KCNK5: variants seen among roughly 807,000 people sequenced by gnomAD.
KCNK5 encodes potassium channel subfamily K member 5.
A neutral mutation model predicts 32.9 loss-of-function variants in KCNK5; 18 were observed. The ratio of observed to expected loss-of-function variants is 0.55; its 90% CI spans 0.38 to 0.81. KCNK5 has a LOEUF of 0.81. KCNK5 is among the 30% of genes least tolerant of loss of function. The probability of loss-of-function intolerance (pLI) is 0.00; values close to 1 mark genes in which losing one functional copy is unlikely to be tolerated. For synonymous variants in KCNK5, 276 were observed against 275.3 expected (o/e 1.00, Z -0.03); for missense variants, 507 against 651.0 (o/e 0.78, Z 2.41).
At chr6:39,216,449 G>A (rs1269067945) in intron 1 of KCNK5, among the ~76,000 whole-genome samples, 1 of 152,216 alleles carries the variant, frequency 6.6e-6, no homozygotes, top group Non-Finnish European at 1.5e-5. Context: ...TGCTGGGAGT[G>A]ATGGGGTGTG....
At position 39,226,227 on chromosome 6, in the gene KCNK5, G is replaced by A. The variant is rs146503919; in HGVS notation, c.186+2699C>T. ...GTGTGAGTCTGCAATTTAGGAAGAG[G>A]TTGGGAGAATGAGTCACCAAAGATC... is the stretch of plus-strand genomic sequence containing the variant. On this transcript the variant is annotated intron_variant, in intron 1 of 4. Coordinates refer to ENST00000359534, the MANE Select transcript of KCNK5 (RefSeq NM_003740.4). Among the ~76,000 whole-genome samples, 17 of 152,306 alleles carry A rather than the reference G, an allele frequency of 1.1e-4. No homozygotes were observed. In the East Asian group the frequency reaches 2.3e-3, roughly 21 times the overall value.
chr6:39,222,427 T>C (rs1028287464), intron 1 of KCNK5, among the ~76,000 whole-genome samples: 1 of 152,232 alleles, frequency 6.6e-6, no homozygotes, highest in East Asian at 1.9e-4. Context: ...TAGAGTAGAA[T>C]GTTCCACTTC....
chr6:39,193,196 G>C (rs1404320716), intron 4 of KCNK5, among the ~76,000 whole-genome samples: 1 of 151,588 alleles, frequency 6.6e-6, no homozygotes, highest in East Asian at 1.9e-4. Context: ...CCTAATACCA[G>C]AGGCACCTCC....
intron 1 of KCNK5, among the ~76,000 whole-genome samples, chr6:39,223,453 CAAAG>C (rs1468023885): frequency 6.6e-6 from 1 of 152,198 alleles, no homozygotes; most frequent in Non-Finnish European, 1.5e-5. Context: ...AATGAAATCT[CAAAG>C]AGATTCGCTT....
intron 1 of KCNK5, among the ~76,000 whole-genome samples, chr6:39,213,927 G>A (rs1771384430): frequency 6.6e-6 from 1 of 152,114 alleles, no homozygotes; most frequent in Admixed American, 6.5e-5. Flanking sequence ...TCAGGAGACT[G>A]AGGCAGGAGA....
chr6:39,229,369 T>G lies in KCNK5; in HGVS notation c.-258A>C, dbSNP rs1583727123. 2 of 537,206 alleles carry G rather than the reference T, an allele frequency of 3.7e-6. No homozygotes were observed. The highest frequency in any genetic ancestry group is 3.2e-5 in the East Asian group (1 of 31,250). The allele number at this position is 537,206 out of a possible 1,614,324, so 33.3% of individuals were successfully genotyped here. A position where few individuals can be genotyped will look rare whatever the true frequency, so the allele number is the denominator to read the frequency against. ...CACCAGCGGGGCTGAAAGGGCGCCC[T>G]GGACCGCGGATGCGTAAGGAGCGGG... On this transcript the variant is annotated 5_prime_UTR_variant, in exon 1 of 5. Transcript: ENST00000359534.
In KCNK5 at chr6:39,229,155, C is replaced by T. The variant is rs1167716261; in HGVS notation, c.-44G>A. On this transcript the variant is annotated 5_prime_UTR_variant, in exon 1 of 5. Transcript: ENST00000359534. ...TCCTAGAGAAAGCCTCTCCTAGCCC[C>T]AGCTGCTACCAGTCCGCCCGCCCTC... The T allele has an allele frequency of 6.3e-7, 1 of 1,592,396 alleles. No individual in the cohort carries two copies. The highest frequency in any genetic ancestry group is 8.6e-7 in the Non-Finnish European group (1 of 1,166,824).
intron 2 of KCNK5, among the ~76,000 whole-genome samples, chr6:39,195,596 T>C (rs892988769): frequency 2.6e-5 from 4 of 152,272 alleles, no homozygotes; most frequent in Non-Finnish European, 5.9e-5. Flanking sequence ...TGATCTGGGT[T>C]TCTGCAATGA....
intron 1 of KCNK5, among the ~76,000 whole-genome samples, chr6:39,197,445 C>T (rs191996033): frequency 2.0e-4 from 31 of 152,362 alleles, no homozygotes; most frequent in African/African-American, 5.8e-4. Context: ...TCCGAGGCTA[C>T]GAAGGCTGTG....
At chr6:39,211,882 T>C (rs1252882160) in intron 1 of KCNK5, among the ~76,000 whole-genome samples, 1 of 151,994 alleles carries the variant, frequency 6.6e-6, no homozygotes, top group African/African-American at 2.4e-5. Flanking sequence ...GAGAATCTCT[T>C]GAACCCAGGA....
At chr6:39,223,166 C>T (rs1049944017) in intron 1 of KCNK5, among the ~76,000 whole-genome samples, 24 of 152,274 alleles carry the variant, frequency 1.6e-4, no homozygotes, top group Admixed American at 7.8e-4. Context: ...AATATCTGGG[C>T]ATAGCAGAAA....
rs778274242 is a variant in KCNK5 at position 39,191,762 on chromosome 6, G to T, written c.635-7C>A. On this transcript the variant is annotated splice_region_variant and splice_polypyrimidine_tract_variant and intron_variant, in intron 4 of 4. Transcript: ENST00000359534. This position sits in a 1 kb window ranked among gnomAD's most constrained non-coding sequence, Gnocchi z 5.8. ...TTGGCGCTGGGGTTCACACCTGAGCGGACAGGCAGTCCAGAGGTCAGGAAG... is the reference window on the plus strand; with the variant it reads ...TTGGCGCTGGGGTTCACACCTGAGCTGACAGGCAGTCCAGAGGTCAGGAAG... The T allele has an allele frequency of 1.7e-5, 28 of 1,607,410 alleles. No individual in the cohort carries two copies. Among genetic ancestry groups the T allele is most frequent in the Non-Finnish European group, 2.3e-5 (27 of 1,175,722 alleles).
At chr6:39,195,780 C>G (rs547994800) in intron 2 of KCNK5, 96 bp downstream of exon 2, 2 of 760,104 alleles carry the variant, frequency 2.6e-6, no homozygotes, top group African/African-American at 1.7e-5. Context: ...CTGATTGTAC[C>G]CCCAACAGGG....
At position 39,194,325 on chromosome 6, in the gene KCNK5, T is replaced by C. The variant is rs1295080527; in HGVS notation, c.478A>G (p.Ile160Val). 1 of 1,606,148 alleles carries C rather than the reference T, an allele frequency of 6.2e-7. No homozygotes were observed. The highest frequency in any genetic ancestry group is 1.3e-5 in the African/African-American group (1 of 74,744). ...KRGVSLRKAQ[I>V]TCTVIFIVWG... is the part of the protein sequence containing the mutation. ...ACGATGAAGATGACTGTGCACGTGA[T>C]CTGCGCCTTCCGCTGATGGGGAGCA... Residue 160 changes from isoleucine to valine, a missense_variant, in exon 4 of 5, where the codon ATC becomes GTC. This residue lies in a region of KCNK5 where 143 missense variants were observed against 219.1 expected (regional missense o/e 0.65). Coordinates refer to ENST00000359534, the MANE Select transcript of KCNK5 (RefSeq NM_003740.4). This position sits in a 1 kb window ranked among gnomAD's most constrained non-coding sequence, Gnocchi z 4.7.
At chr6:39,208,793 C>T (rs921317400) in intron 1 of KCNK5, among the ~76,000 whole-genome samples, 1 of 152,174 alleles carries the variant, frequency 6.6e-6, no homozygotes, top group Non-Finnish European at 1.5e-5. Context: ...AATCACTGGG[C>T]AAGATGCAAA....
At position 39,194,260 on chromosome 6, in the gene KCNK5, T is replaced by A; in HGVS notation, c.543A>T (p.Val181=). 6.2e-7 allele frequency: 1 copy of A among 1,613,854 alleles called. No homozygotes were observed. Among genetic ancestry groups the A allele is most frequent in the South Asian group, 1.1e-5 (1 of 91,064 alleles). ...AGTTCCACCCCTCAGTCACCATGAATACGAAGGGTGGGATCACCAGGTGGA... is the reference window on the plus strand; with the variant it reads ...AGTTCCACCCCTCAGTCACCATGAAAACGAAGGGTGGGATCACCAGGTGGA... ...VLVHLVIPPF[V]FMVTEGWNYI... The change falls in exon 4 of 5, where the codon GTA becomes GTT. Residue 181 remains valine (V), a synonymous_variant. Transcript: ENST00000359534. This position sits in a 1 kb window ranked among gnomAD's most constrained non-coding sequence, Gnocchi z 4.7.
Position 39,190,767 on chromosome 6 carries a change from G to GC in KCNK5, c.*122dup. 3 of 963,394 alleles carry GC rather than the reference G, an allele frequency of 3.1e-6. No individual in the cohort carries two copies. The highest frequency in any genetic ancestry group is 2.9e-6 in the Non-Finnish European group (2 of 690,022). 59.7% of individuals were successfully genotyped at this position (963,394 alleles called of 1,614,324 possible). A position where few individuals can be genotyped will look rare whatever the true frequency, so the allele number is the denominator to read the frequency against. Reference sequence around the variant, plus strand: ...TGATGGAAGGTTAGGAAGGCCCCTGGCCCCCCACTCCCAGTTCCGAGGCTG... The same window carrying GC: ...TGATGGAAGGTTAGGAAGGCCCCTGGCCCCCCCACTCCCAGTTCCGAGGCTG... On this transcript the variant is annotated 3_prime_UTR_variant, in exon 5 of 5. Coordinates refer to ENST00000359534, the MANE Select transcript of KCNK5 (RefSeq NM_003740.4).
intron 1 of KCNK5, among the ~76,000 whole-genome samples, chr6:39,208,500 T>C (rs1771269576): frequency 1.3e-5 from 2 of 152,222 alleles, no homozygotes; most frequent in South Asian, 4.1e-4. Flanking sequence ...CCTTCCTTAT[T>C]GTCTGACTCT....
chr6:39,191,257 G>A lies in KCNK5; in HGVS notation c.1133C>T (p.Ala378Val), dbSNP rs2113776162. The change falls in exon 5 of 5, where the codon GCA becomes GTA. Residue 378 changes from alanine to valine, a missense_variant. Around this residue, in one of 6 missense-constraint regions of KCNK5, gnomAD observed 252 missense variants for 250.8 expected, o/e 1.00. Transcript: ENST00000359534. The surrounding 1 kb of genome is among the most constrained non-coding windows in gnomAD (Gnocchi z 5.8). ...VSRSPDEEAV[A>V]RAPEDSSPAP... ...AGGGGAGCTGTCTTCAGGGGCCCGT[G>A]CCACAGCCTCCTCATCTGGGGACCT... 2.5e-6 allele frequency: 4 copies of A among 1,614,100 alleles called. No homozygotes were observed. The highest frequency in any genetic ancestry group is 3.3e-4 in the Middle Eastern group (2 of 6,062).
Sources: allele counts gnomAD v4.1 joint callset (sites outside exome capture counted in the v4.1 genomes callset), GRCh38; gene constraint gnomAD v4.1.1; regional missense constraint gnomAD v4.1.1; non-coding constraint Gnocchi (gnomAD v3.1); transcripts MANE v1.5; gene names NCBI Gene and HGNC (gene_info 2026-07-23, HGNC 2026-07-21).